ESR1: variants seen among roughly 807,000 people sequenced by gnomAD.
ESR1 encodes estrogen receptor 1, also known as estrogen receptor.
ESR1 carries 12 observed loss-of-function variants against 52.7 expected under a neutral mutation model. The ratio of observed to expected loss-of-function variants is 0.23; its 90% CI spans 0.15 to 0.37. The LOEUF is 0.37. ESR1 is among the 10% of genes least tolerant of loss of function. ESR1 has a pLI of 1.00. For missense variants in ESR1, 584 were observed against 779.7 expected, an observed-to-expected ratio of 0.75 and a Z score of 2.99; for synonymous variants, 305 against 316.8, an observed-to-expected ratio of 0.96 and a Z score of 0.39.
At chr6:151,842,448 G>A (rs1784450172) in intron 1 of ESR1, 149 bp from the exon 2 acceptor site, 1 of 789,422 alleles carries the variant, frequency 1.3e-6, no homozygotes. Flanking sequence ...ACCTTTTGCT[G>A]CAACAGACGG....
chr6:151,659,928 C>T (rs1777582681), intron 1 of ESR1, among the ~76,000 whole-genome samples: 3 of 152,206 alleles, frequency 2.0e-5, no homozygotes, highest in Non-Finnish European at 2.9e-5. Flanking sequence ...AACATTACTA[C>T]TGACAGTTGC....
At chr6:151,781,396 G>C (rs978322813) in intron 2 of ESR1, among the ~76,000 whole-genome samples, 14 of 152,250 alleles carry the variant, frequency 9.2e-5, no homozygotes, top group Admixed American at 7.8e-4. Flanking sequence ...TCCCATCCAT[G>C]AAGGTGGAGG....
intron 2 of ESR1, among the ~76,000 whole-genome samples, chr6:151,848,223 C>T (rs1785514947): frequency 9.7e-6 from 1 of 103,032 alleles, no homozygotes; most frequent in Non-Finnish European, 2.0e-5. Context: ...TAAACTATCG[C>T]AAGAACAAAA....
At chr6:151,929,819 C>G (rs1169643075) in intron 3 of ESR1, among the ~76,000 whole-genome samples, 1 of 151,892 alleles carries the variant, frequency 6.6e-6, no homozygotes. Context: ...TATATTTAAA[C>G]AATTTATATT....
At chr6:151,818,019 T>C (rs1779954064) in intron 1 of ESR1, among the ~76,000 whole-genome samples, 1 of 152,220 alleles carries the variant, frequency 6.6e-6, no homozygotes, top group South Asian at 2.1e-4. Flanking sequence ...AGGACTCAAT[T>C]AAAGCTCTCC....
At chr6:151,697,781 GC>G (rs1779468801) in intron 1 of ESR1, among the ~76,000 whole-genome samples, 1 of 152,054 alleles carries the variant, frequency 6.6e-6, no homozygotes, top group Non-Finnish European at 1.5e-5. Context: ...TATAGCTTTT[GC>G]CTTTAGCAAA....
intron 4 of ESR1, among the ~76,000 whole-genome samples, chr6:151,960,072 A>G (rs1011505058): frequency 2.0e-5 from 3 of 152,170 alleles, no homozygotes; most frequent in Non-Finnish European, 2.9e-5. Flanking sequence ...TTCAGATTTT[A>G]TGGATCAAAT....
chr6:151,926,074 G>A (rs555011040), intron 3 of ESR1, among the ~76,000 whole-genome samples: 6 of 152,136 alleles, frequency 3.9e-5, no homozygotes, highest in East Asian at 3.9e-4. Context: ...GGTAATCAGC[G>A]CAATATTTTC....
At chr6:152,049,850 A>G (rs1170155574) in intron 5 of ESR1, among the ~76,000 whole-genome samples, 1 of 152,198 alleles carries the variant, frequency 6.6e-6, no homozygotes, top group Non-Finnish European at 1.5e-5. Flanking sequence ...TCCACCCCAT[A>G]GTAGTCAGGG....
At chr6:151,927,924 A>G (rs965708393) in intron 3 of ESR1, among the ~76,000 whole-genome samples, 1 of 151,900 alleles carries the variant, frequency 6.6e-6, no homozygotes, top group African/African-American at 2.4e-5. Context: ...AAGTTTTACC[A>G]TGCTGGCCAG....
At chr6:151,683,312 C>T (rs1778527556) in intron 1 of ESR1, among the ~76,000 whole-genome samples, 1 of 152,038 alleles carries the variant, frequency 6.6e-6, no homozygotes, top group Non-Finnish European at 1.5e-5. Flanking sequence ...CTCAGTAGCC[C>T]TGTAAATGGT....
At chr6:152,001,119 T>A (rs991493948) in intron 4 of ESR1, among the ~76,000 whole-genome samples, 2 of 151,914 alleles carry the variant, frequency 1.3e-5, no homozygotes, top group African/African-American at 4.8e-5. Context: ...GCATCTAGAG[T>A]CTAGAGAGTT....
At chr6:151,849,979 TA>T (rs1275788178) in intron 2 of ESR1, among the ~76,000 whole-genome samples, 6 of 3,116 alleles carry the variant, frequency 1.9e-3, no homozygotes, top group South Asian at 0.015. Flanking sequence ...CCTAGGGAAT[TA>T]TATATATATA....
At position 151,905,401 on chromosome 6, in the gene ESR1, C is replaced by G. The variant is rs1023383262; in HGVS notation, c.760+24630C>G. Among the ~76,000 whole-genome samples the G allele has an allele frequency of 2.6e-5, 4 of 152,252 alleles. No homozygotes were observed. The East Asian group carries it at 7.7e-4, about 29-fold the overall frequency. On this transcript the variant is annotated intron_variant, in intron 3 of 7. Coordinates refer to ENST00000206249, the MANE Select transcript of ESR1 (RefSeq NM_000125.4). ...GATACAATATCCGGACCATGTGCAA[C>G]TGCAAATAAATGTTTGGGTTAAAAC...
chr6:152,034,576 AT>A (rs1007382049), intron 5 of ESR1, among the ~76,000 whole-genome samples: 46 of 150,286 alleles, frequency 3.1e-4, no homozygotes, highest in Non-Finnish European at 4.0e-4. Context: ...AATTTCTCGT[AT>A]TTTTTTTTCT....
intron 4 of ESR1, among the ~76,000 whole-genome samples, chr6:151,947,632 A>G (rs954656718): frequency 7.2e-5 from 11 of 152,278 alleles, no homozygotes; most frequent in African/African-American, 2.6e-4. Context: ...CCTTTTCATT[A>G]ACCCCTGGGG....
In ESR1 at chr6:151,862,907, C is replaced by T. The variant is rs146513473; in HGVS notation, c.644-17748C>T. On this transcript the variant is annotated intron_variant, in intron 2 of 7. Transcript: ENST00000206249. The stretch of plus-strand genomic sequence containing the variant: ...AAGATTGTAGATGCCAGGCTGGTGT[C>T]GGCTTGAAATTTTTAAAGTATACAG... Among the ~76,000 whole-genome samples, 672 of 151,830 alleles carry T rather than the reference C, an allele frequency of 4.4e-3. 3 individuals are homozygous for T. The highest frequency in any genetic ancestry group is 0.014 in the African/African-American group (566 of 41,392).
In ESR1 at chr6:151,960,819, C is replaced by T. The variant is rs78320285; in HGVS notation, c.1096+16311C>T. Among the ~76,000 whole-genome samples the T allele has an allele frequency of 9.4e-3, 1,435 of 152,074 alleles. 16 individuals are homozygous for T. The highest frequency in any genetic ancestry group is 0.023 in the African/African-American group (968 of 41,478). ...AGCAATCTAGGTGATAAATGAGGAC[C>T]GATGGTGGCTCTGACAAGGGTGGTA... On this transcript the variant is annotated intron_variant, in intron 4 of 7. Coordinates refer to ENST00000206249, the MANE Select transcript of ESR1 (RefSeq NM_000125.4).
chr6:151,831,146 C>CTT (rs11296052), intron 1 of ESR1, among the ~76,000 whole-genome samples: 2 of 141,788 alleles, frequency 1.4e-5, no homozygotes, highest in Non-Finnish European at 1.5e-5. Flanking sequence ...CTTTTCTTTT[C>CTT]TTTTTTTTTT....
Sources: allele counts gnomAD v4.1 joint callset (sites outside exome capture counted in the v4.1 genomes callset), GRCh38; gene constraint gnomAD v4.1.1; transcripts MANE v1.5; gene names NCBI Gene and HGNC (gene_info 2026-07-23, HGNC 2026-07-21).